The following MKLN1 variants were observed in gnomAD, a reference collection of about 807,000 sequenced individuals.
The protein encoded by MKLN1 is muskelin.
In MKLN1, 18 loss-of-function variants were observed where a neutral mutation model predicts 99.0. The ratio of observed to expected loss-of-function variants is 0.18; its 90% CI spans 0.13 to 0.27. The LOEUF is 0.27. Ranked by LOEUF, MKLN1 falls within the 10% of genes least tolerant of loss-of-function variation. The pLI is 1.00. For synonymous variants in MKLN1, 288 were observed against 293.2 expected (o/e 0.98, Z 0.18); for missense variants, 621 against 875.9 (o/e 0.71, Z 3.67).
chr7:131,192,293 CA>C (rs1563247697), intron 2 of MKLN1, among the ~76,000 whole-genome samples: 1 of 55,808 alleles, frequency 1.8e-5, no homozygotes, highest in Non-Finnish European at 3.1e-5. Context: ...ATAATATATA[CA>C]ATATATAAAT....
chr7:131,289,317 G>A (rs1386691020), intron 3 of MKLN1, among the ~76,000 whole-genome samples: 1 of 152,214 alleles, frequency 6.6e-6, no homozygotes, highest in Non-Finnish European at 1.5e-5. Flanking sequence ...AGGAAGTGGG[G>A]AAGGATGGTT....
At chr7:131,472,778 G>A (rs1195834017) in intron 16 of MKLN1, among the ~76,000 whole-genome samples, 5 of 151,810 alleles carry the variant, frequency 3.3e-5, no homozygotes, top group African/African-American at 9.7e-5. Context: ...ATGAAACCCC[G>A]TCTCTACTAA....
intron 15 of MKLN1, among the ~76,000 whole-genome samples, chr7:131,469,288 C>T (rs1208687349): frequency 6.6e-6 from 1 of 152,140 alleles, no homozygotes; most frequent in East Asian, 1.9e-4. Flanking sequence ...CTGTTTACTG[C>T]CTTCTCTATT....
chr7:131,277,100 A>G lies in MKLN1; in HGVS notation c.-179+74126A>G, dbSNP rs200655417. On this transcript the variant is annotated intron_variant, in intron 3 of 7. Transcript: ENST00000416992. ...ATTCTTGTACAAGTATCTGTACTCA[A>G]TGAAAGCTCACTAAATTCTTGTGTA... Among the ~76,000 whole-genome samples, 3 of 152,192 alleles carry G rather than the reference A, an allele frequency of 2.0e-5. No homozygotes were observed. In the East Asian group the frequency reaches 5.8e-4, roughly 29 times the overall value.
chr7:131,300,517 G>GT lies in MKLN1; in HGVS notation c.-178-74905dup, dbSNP rs1234134952. Among the ~76,000 whole-genome samples the GT allele has an allele frequency of 4.4e-4, 22 of 49,564 alleles. No homozygotes were observed. In the Admixed American group the frequency reaches 5.4e-3, roughly 12 times the overall value. The allele number at this position is 49,564 out of a possible 152,430, so 32.5% of individuals were successfully genotyped here. A position where few individuals can be genotyped will look rare whatever the true frequency, so the allele number is the denominator to read the frequency against. ...CCAAGATGGCAAAACACTGTCTCTA[G>GT]TTAAAAAAAAAAAAAAAATCGCCAG... On this transcript the variant is annotated intron_variant, in intron 3 of 7. Coordinates refer to the MKLN1 transcript ENST00000416992.
intron 1 of MKLN1, among the ~76,000 whole-genome samples, chr7:131,126,499 CG>C (rs1795461236): frequency 6.6e-6 from 1 of 152,040 alleles, no homozygotes; most frequent in African/African-American, 2.4e-5. Flanking sequence ...TTTAACACGG[CG>C]GTGTTTTTTG....
chr7:131,252,519 CG>C (rs1797598823), intron 3 of MKLN1, among the ~76,000 whole-genome samples: 1 of 151,644 alleles, frequency 6.6e-6, no homozygotes, highest in African/African-American at 2.4e-5. Context: ...TTAGTAGAGA[CG>C]GGGTTCCATC....
At chr7:131,138,375 A>C (rs1227193052) in intron 1 of MKLN1, among the ~76,000 whole-genome samples, 1 of 152,232 alleles carries the variant, frequency 6.6e-6, no homozygotes, top group Non-Finnish European at 1.5e-5. Flanking sequence ...TTTCATAAAA[A>C]ATTTTAAAAA....
At chr7:131,173,181 CATA>C (rs1213897834) in intron 2 of MKLN1, among the ~76,000 whole-genome samples, 3 of 150,370 alleles carry the variant, frequency 2.0e-5, no homozygotes, top group African/African-American at 7.4e-5. Flanking sequence ...ATACAACAGA[CATA>C]ATAAAGCAAA....
At chr7:131,192,231 ATATAT>A (rs1563247588) in intron 2 of MKLN1, among the ~76,000 whole-genome samples, 1 of 95,486 alleles carries the variant, frequency 1.0e-5, no homozygotes, top group African/African-American at 4.5e-5. Flanking sequence ...AATATATACA[ATATAT>A]AAATATATAA....
chr7:131,219,234 T>TAA (rs5887501), intron 3 of MKLN1, among the ~76,000 whole-genome samples: 40,183 of 150,060 alleles, frequency 0.27, 5,358 homozygotes, highest in African/African-American at 0.3. Context: ...TTAAAAATGT[T>TAA]AAAAAAAAAA....
intron 1 of MKLN1, among the ~76,000 whole-genome samples, chr7:131,116,300 G>A (rs772204984): frequency 1.1e-4 from 17 of 152,024 alleles, no homozygotes; most frequent in Non-Finnish European, 2.5e-4. Flanking sequence ...ATGGCTAGTG[G>A]TGATGATTAC....
chr7:131,398,565 G>T (rs572666247), intron 5 of MKLN1, among the ~76,000 whole-genome samples: 20 of 152,016 alleles, frequency 1.3e-4, no homozygotes, highest in African/African-American at 4.6e-4. Context: ...GTGGTAGCGC[G>T]TGCCTGTAAG....
chr7:131,263,368 T>TAACAATAATAATAATAAA, intron 3 of MKLN1, among the ~76,000 whole-genome samples: 1 of 140,412 alleles, frequency 7.1e-6, no homozygotes, highest in East Asian at 2.2e-4. Context: ...ATAATAATAA[T>TAACAATAATAATAATAAA]AATAAAATTA....
intron 3 of MKLN1, among the ~76,000 whole-genome samples, chr7:131,322,557 CTTTTTTTTTTTTT>C (rs574246814): frequency 2.1e-5 from 2 of 95,096 alleles, no homozygotes; most frequent in Non-Finnish European, 4.3e-5. Flanking sequence ...CTGCCAAACA[CTTTTTTTTTTTTT>C]TTTTTTTTTT....
At chr7:131,176,236 G>A (rs906972583) in intron 2 of MKLN1, among the ~76,000 whole-genome samples, 1 of 151,990 alleles carries the variant, frequency 6.6e-6, no homozygotes, top group African/African-American at 2.4e-5. Flanking sequence ...TCACATATTT[G>A]TATATATTGA....
chr7:131,168,717 C>A (rs1485992006), intron 2 of MKLN1, among the ~76,000 whole-genome samples: 1 of 151,950 alleles, frequency 6.6e-6, no homozygotes, highest in African/African-American at 2.4e-5. Flanking sequence ...TGTATATTTT[C>A]TTTATGTATA....
At position 131,496,511 on chromosome 7, in the gene MKLN1, GAATA is replaced by G. The variant is rs1377696127; in HGVS notation, c.*8791_*8794del. 1 of 151,640 alleles carries G rather than the reference GAATA, an allele frequency of 6.6e-6. No individual in the cohort carries two copies. The highest frequency in any genetic ancestry group is 6.6e-5 in the Admixed American group (1 of 15,234). 9.4% of individuals were successfully genotyped at this position (151,640 alleles called of 1,614,324 possible). ...GGTAAATGTGTTAATTCTACTTTGT[GAATA>G]AATAAATGAGTGATCTGCTAAAAAT... On this transcript the variant is annotated 3_prime_UTR_variant, in exon 18 of 18. Coordinates refer to ENST00000352689, the MANE Select transcript of MKLN1 (RefSeq NM_013255.5).
rs114639643 is a variant in MKLN1 at position 131,439,151 on chromosome 7, C to T, written c.1173+1154C>T. 5.2e-3 allele frequency among the ~76,000 whole-genome samples: 787 copies of T among 152,212 alleles called. 6 individuals are homozygous for T. The highest frequency in any genetic ancestry group is 0.018 in the African/African-American group (754 of 41,538). On this transcript the variant is annotated intron_variant, in intron 10 of 17. Coordinates refer to ENST00000352689, the MANE Select transcript of MKLN1 (RefSeq NM_013255.5). ...CTGCTGACACCCTCAATGTTCTTCA[C>T]GTGGAAAATAAGCATGCCAAGAAAA... is the stretch of plus-strand genomic sequence containing the variant.
Sources: allele counts gnomAD v4.1 joint callset (sites outside exome capture counted in the v4.1 genomes callset), GRCh38; gene constraint gnomAD v4.1.1; transcripts MANE v1.5; gene names NCBI Gene and HGNC (gene_info 2026-07-23, HGNC 2026-07-21).